Variants in KCNJ18 observed in about 807,000 individuals in gnomAD.
KCNJ18 encodes the protein inward rectifier potassium channel 18.
Under a neutral mutation model 17.3 loss-of-function variants are expected in KCNJ18, and 16 were observed. That is an observed-to-expected ratio of 0.92 (90% CI 0.62 to 1.40). KCNJ18 has a LOEUF of 1.40. Among genes scored for constraint, KCNJ18 ranks in the 40% most tolerant of loss-of-function variants. The pLI is 0.00. For synonymous variants in KCNJ18, 185 were observed against 262.6 expected (o/e 0.70, Z 2.86); for missense variants, 462 against 626.8 (o/e 0.74, Z 2.81).
chr17:21,699,888 GT>G (rs1905885014), intron 2 of KCNJ18, among the ~76,000 whole-genome samples: 1 of 152,260 alleles, frequency 6.6e-6, no homozygotes, highest in South Asian at 2.1e-4. Flanking sequence ...TTGTGATTCT[GT>G]TCCTTGCAGG....
chr17:21,701,312 C>A (rs1905942571), intron 2 of KCNJ18, among the ~76,000 whole-genome samples: 1 of 152,302 alleles, frequency 6.6e-6, no homozygotes, highest in Admixed American at 6.5e-5. Flanking sequence ...CCAGGTGCTG[C>A]CTGCAGTGAG....
At chr17:21,695,039 C>T (rs1358079204) in intron 1 of KCNJ18, among the ~76,000 whole-genome samples, 25 of 608 alleles carry the variant, frequency 0.041, no homozygotes, top group East Asian at 0.33. Context: ...ATCCACCCAT[C>T]CATCCATCCA....
chr17:21,697,171 C>CAG (rs1369735480), intron 2 of KCNJ18, among the ~76,000 whole-genome samples: 1 of 152,304 alleles, frequency 6.6e-6, no homozygotes, highest in Non-Finnish European at 1.5e-5. Flanking sequence ...AGTTTTTGGG[C>CAG]AGAGAGACAC....
chr17:21,694,998 A>G (rs1350714682), intron 1 of KCNJ18, among the ~76,000 whole-genome samples: 1 of 149,494 alleles, frequency 6.7e-6, no homozygotes, highest in African/African-American at 2.5e-5. Context: ...CCATTCGTCT[A>G]TCCATCCATC....
intron 1 of KCNJ18, 125 bp downstream of exon 1, chr17:21,692,839 G>A (rs1412007304): frequency 2.0e-5 from 3 of 152,448 alleles, no homozygotes; most frequent in Non-Finnish European, 4.4e-5. Context: ...GCGAGGCCCA[G>A]TGCCCGGACT....
At chr17:21,699,808 G>A (rs1379739481) in intron 2 of KCNJ18, among the ~76,000 whole-genome samples, 1 of 152,306 alleles carries the variant, frequency 6.6e-6, no homozygotes, top group African/African-American at 2.4e-5. Flanking sequence ...CACCAGTCTG[G>A]TAGCTGGCCA....
chr17:21,698,407 T>C (rs1303488921), intron 2 of KCNJ18, among the ~76,000 whole-genome samples: 1 of 152,076 alleles, frequency 6.6e-6, no homozygotes, highest in African/African-American at 2.4e-5. Context: ...TGATAGATAC[T>C]GAGTGCTGTG....
rs2142273674 is a variant in KCNJ18, at chr17:21,703,557, G to A, written c.771G>A (p.Lys257=). Residue 257 remains lysine (K), a synonymous_variant, in exon 3 of 3, where the codon AAG becomes AAA. Transcript: ENST00000567955. Reference sequence around the variant, plus strand: ...TCGACATCGATGTGGGCTTCGACAAGGGCCTGGACCGCATCTTTCTGGTGT... The same window carrying A: ...TCGACATCGATGTGGGCTTCGACAAAGGCCTGGACCGCATCTTTCTGGTGT... ...DQIDIDVGFD[K]GLDRIFLVSP... The A allele has an allele frequency of 2.5e-6, 4 of 1,612,106 alleles. No individual in the cohort carries two copies. The highest frequency in any genetic ancestry group is 4.5e-5 in the East Asian group (2 of 44,782).
chr17:21,697,079 A>G (rs1381410813), intron 2 of KCNJ18, among the ~76,000 whole-genome samples: 2,335 of 152,362 alleles, frequency 0.015, 1 homozygote, highest in African/African-American at 0.054. Context: ...TGCTCCCATC[A>G]GTCACTGACT....
At chr17:21,693,398 G>T (rs1167777791) in intron 1 of KCNJ18, among the ~76,000 whole-genome samples, 20 of 152,308 alleles carry the variant, frequency 1.3e-4, no homozygotes, top group Non-Finnish European at 2.6e-4. Flanking sequence ...TGAGGGACGA[G>T]GTTGGGAGAG....
Position 21,703,943 on chromosome 17 carries a change from G to C in KCNJ18, c.1157G>C (p.Arg386Pro). Residue 386 changes from arginine to proline, a missense_variant, in exon 3 of 3, where the codon CGT becomes CCT. This residue lies in a region of KCNJ18 where 123 missense variants were observed against 117.5 expected (regional missense o/e 1.05). Transcript: ENST00000567955. ...CYENELAFLS[R>P]DEEDEADGDQ... is the part of the protein sequence containing the mutation. ...GAGAACGAGCTGGCCTTCCTGAGCC[G>C]TGACGAGGAGGATGAGGCGGACGGA... 3 of 1,609,890 alleles carry C rather than the reference G, an allele frequency of 1.9e-6. No individual in the cohort carries two copies. In the South Asian group the frequency reaches 3.3e-5, roughly 18 times the overall value.
chr17:21,700,050 C>A (rs1227083805), intron 2 of KCNJ18, among the ~76,000 whole-genome samples: 2 of 152,282 alleles, frequency 1.3e-5, no homozygotes, highest in South Asian at 4.1e-4. Flanking sequence ...TCTGGAGGGT[C>A]CAGGAATCTG....
intron 2 of KCNJ18, among the ~76,000 whole-genome samples, 181 bp from the exon 3 acceptor site, chr17:21,702,550 G>A (rs1436862892): frequency 2.0e-5 from 3 of 152,214 alleles, no homozygotes; most frequent in South Asian, 2.1e-4. Context: ...CTGGGGGCCC[G>A]AAGGGGGTGG....
chr17:21,698,605 A>G (rs1335311900), intron 2 of KCNJ18, among the ~76,000 whole-genome samples: 13 of 151,222 alleles, frequency 8.6e-5, no homozygotes, highest in Middle Eastern at 6.8e-3. Flanking sequence ...GGCTCCTCCC[A>G]GATGTCACCG....
At chr17:21,694,966 A>G (rs1311505833) in intron 1 of KCNJ18, among the ~76,000 whole-genome samples, 12 of 147,674 alleles carry the variant, frequency 8.1e-5, no homozygotes, top group Non-Finnish European at 1.3e-4. Context: ...CATCCACCCA[A>G]TCATCTGCCC....
intron 1 of KCNJ18, among the ~76,000 whole-genome samples, chr17:21,692,973 G>A (rs1197484487): frequency 1.3e-5 from 2 of 152,430 alleles, no homozygotes; most frequent in South Asian, 2.1e-4. Context: ...CTGTTCCGTG[G>A]GGGATTTCAG....
chr17:21,703,862 C>G lies in KCNJ18; in HGVS notation c.1076C>G (p.Ala359Gly), dbSNP rs1187689188. 2 of 1,612,672 alleles carry G rather than the reference C, an allele frequency of 1.2e-6. No homozygotes were observed. The highest frequency in any genetic ancestry group is 1.7e-6 in the Non-Finnish European group (2 of 1,179,980). ...GTGCCCTCTACGCCCCGCTGCAGTGCGAAGGATCTGGTAGAGAACAAGTTC... is the reference window on the plus strand; with the variant it reads ...GTGCCCTCTACGCCCCGCTGCAGTGGGAAGGATCTGGTAGAGAACAAGTTC... Reference protein sequence around the residue: ...YEVPSTPRCSAKDLVENKFLL... With the variant: ...YEVPSTPRCSGKDLVENKFLL... Residue 359 changes from alanine (A) to glycine (G), a missense_variant, in exon 3 of 3, where the codon GCG (alanine) becomes GGG (glycine). Physicochemically the swap from Ala to Gly is moderately conservative, Grantham distance 60. This residue lies in a region of KCNJ18 where 123 missense variants were observed against 117.5 expected (regional missense o/e 1.05). Transcript: ENST00000567955.
chr17:21,704,524 C>G lies in KCNJ18; in HGVS notation c.*436C>G. On this transcript the variant is annotated 3_prime_UTR_variant, in exon 3 of 3. Coordinates refer to ENST00000567955, the MANE Select transcript of KCNJ18 (RefSeq NM_001194958.2). ...ACCTTAGCTTGGGTGAGACTGTTTA[C>G]AAAAAAAAAAAAAACCATGCAATTG... The G allele has an allele frequency of 8.6e-6, 1 of 115,880 alleles. No individual in the cohort carries two copies. The allele number at this position is 115,880 out of a possible 1,614,324, so 7.2% of individuals were successfully genotyped here.
rs1305931283 is a variant in KCNJ18, at chr17:21,704,252, C to G, written c.*164C>G. ...TTTGCAAAGGCCTCAGAAGGTTGGC[C>G]GGAGAGGGGGCAGCCAGAGCGGCAG... is the stretch of plus-strand genomic sequence containing the variant. On this transcript the variant is annotated 3_prime_UTR_variant, in exon 3 of 3. Coordinates refer to ENST00000567955, the MANE Select transcript of KCNJ18 (RefSeq NM_001194958.2). 1 of 895,012 alleles carries G rather than the reference C, an allele frequency of 1.1e-6. No homozygotes were observed. Among genetic ancestry groups the G allele is most frequent in the African/African-American group, 1.7e-5 (1 of 59,524 alleles). 55.4% of individuals were successfully genotyped at this position (895,012 alleles called of 1,614,324 possible).
Sources: allele counts gnomAD v4.1 joint callset (sites outside exome capture counted in the v4.1 genomes callset), GRCh38; gene constraint gnomAD v4.1.1; regional missense constraint gnomAD v4.1.1; transcripts MANE v1.5; gene names NCBI Gene and HGNC (gene_info 2026-07-23, HGNC 2026-07-21).